Variants in PDE9A observed in about 807,000 individuals in gnomAD.
The protein encoded by PDE9A is phosphodiesterase 9A.
In PDE9A, 60 loss-of-function variants were observed where a neutral mutation model predicts 87.4. That is an observed-to-expected ratio of 0.69 (90% CI 0.56 to 0.85). PDE9A has a LOEUF of 0.85. Ranked by LOEUF, PDE9A falls within the 40% of genes least tolerant of loss-of-function variation. PDE9A has a pLI of 0.00. For missense variants in PDE9A, 665 were observed against 779.0 expected (o/e 0.85, Z 1.74); for synonymous variants, 272 against 279.4 (o/e 0.97, Z 0.27).
chr21:42,655,422 G>A (rs957756090), intron 1 of PDE9A, among the ~76,000 whole-genome samples: 38 of 152,346 alleles, frequency 2.5e-4, no homozygotes, highest in African/African-American at 8.2e-4. Flanking sequence ...GGAGGAGGAC[G>A]CTGGGCATGG....
intron 8 of PDE9A, among the ~76,000 whole-genome samples, chr21:42,745,441 T>C (rs2053743402): frequency 6.6e-6 from 1 of 152,228 alleles, no homozygotes; most frequent in South Asian, 2.1e-4. Context: ...ATCTTCGTCA[T>C]CCCTGTGCTG....
In PDE9A at chr21:42,759,905, GT is replaced by G. The variant is rs1339344120; in HGVS notation, c.898-416del. Among the ~76,000 whole-genome samples the G allele has an allele frequency of 6.6e-6, 1 of 151,950 alleles. No individual in the cohort carries two copies. The highest frequency in any genetic ancestry group is 2.4e-5 in the African/African-American group (1 of 41,334). On this transcript the variant is annotated intron_variant, in intron 11 of 19. Transcript: ENST00000291539. This position sits in a 1 kb window ranked among gnomAD's most constrained non-coding sequence, Gnocchi z 7.2. ...CCTGTGTGAATATGTTTGGCAGCAG[GT>G]TTTTTTAATGAAATATTGCTCAGAA...
In PDE9A at chr21:42,695,705, T is replaced by G. The variant is rs1383507601; in HGVS notation, c.219-3263T>G. Among the ~76,000 whole-genome samples the G allele has an allele frequency of 2.0e-5, 3 of 152,236 alleles. No homozygotes were observed. The South Asian group carries it at 6.2e-4, about 32-fold the overall frequency. On this transcript the variant is annotated intron_variant, in intron 3 of 19. Transcript: ENST00000291539. This position sits in a 1 kb window ranked among gnomAD's most constrained non-coding sequence, Gnocchi z 4.3. ...TATTAAATGTGTTTTAAAAGAGGTC[T>G]TAGAGCCCAGGCAGTTAGATCTTAG...
intron 1 of PDE9A, among the ~76,000 whole-genome samples, chr21:42,656,515 TG>T (rs2057085122): frequency 6.6e-6 from 1 of 152,240 alleles, no homozygotes; most frequent in South Asian, 2.1e-4. Context: ...CGGTGTCTCC[TG>T]GCTTGGCCTT....
At chr21:42,687,631 A>T (rs532994184) in intron 2 of PDE9A, among the ~76,000 whole-genome samples, 157 of 152,196 alleles carry the variant, frequency 1.0e-3, no homozygotes, top group African/African-American at 3.1e-3. Context: ...ACAGTTTTTT[A>T]AAAAAAATCT....
At chr21:42,715,352 C>T (rs1008508133) in intron 4 of PDE9A, among the ~76,000 whole-genome samples, 8 of 152,090 alleles carry the variant, frequency 5.3e-5, no homozygotes, top group Admixed American at 5.2e-4. Flanking sequence ...TACAGCCGGG[C>T]GCACTGGCTC....
Position 42,768,253 on chromosome 21 carries a change from G to A in PDE9A, c.1422G>A (p.Glu474=), listed in dbSNP as rs773674422. The change falls in exon 16 of 20, where the codon GAG becomes GAA. Residue 474 remains glutamate (E), a synonymous_variant. Coordinates refer to ENST00000291539, the MANE Select transcript of PDE9A (RefSeq NM_002606.3). ...SNEVRPMEVA[E]PWVDCLLEEY... is the part of the protein sequence containing the mutation. ...AGGTCCGTCCAATGGAAGTCGCAGAGCCTTGGGTGGACTGTTTATTAGAGG... is the reference window on the plus strand; with the variant it reads ...AGGTCCGTCCAATGGAAGTCGCAGAACCTTGGGTGGACTGTTTATTAGAGG... 1 of 1,608,356 alleles carries A rather than the reference G, an allele frequency of 6.2e-7. No homozygotes were observed. Among genetic ancestry groups the A allele is most frequent in the South Asian group, 1.1e-5 (1 of 90,964 alleles).
intron 8 of PDE9A, among the ~76,000 whole-genome samples, chr21:42,750,558 A>G (rs188338575): frequency 3.3e-4 from 17 of 51,336 alleles, no homozygotes; most frequent in Admixed American, 2.2e-3. Context: ...AGCCCTCAAC[A>G]TCTGACTTTT....
chr21:42,662,157 ATTAT>A (rs1466389068), intron 1 of PDE9A, among the ~76,000 whole-genome samples: 1 of 151,982 alleles, frequency 6.6e-6, no homozygotes, highest in Non-Finnish European at 1.5e-5. Context: ...TTGTTTGTTT[ATTAT>A]TTATTTATCC....
intron 4 of PDE9A, among the ~76,000 whole-genome samples, chr21:42,708,344 A>C (rs1379254771): frequency 6.6e-6 from 1 of 152,168 alleles, no homozygotes; most frequent in African/African-American, 2.4e-5. Context: ...GCGGAATGGA[A>C]GTGTCCTGAC....
chr21:42,753,036 T>C (rs1273887972), intron 9 of PDE9A, among the ~76,000 whole-genome samples: 1 of 152,166 alleles, frequency 6.6e-6, no homozygotes, highest in African/African-American at 2.4e-5. Flanking sequence ...AGATGGAGTC[T>C]CACTCTGTCG....
At chr21:42,689,258 C>G (rs1431201973) in intron 3 of PDE9A, among the ~76,000 whole-genome samples, 1 of 152,372 alleles carries the variant, frequency 6.6e-6, no homozygotes, top group East Asian at 1.9e-4. Flanking sequence ...CTTGAGGCCT[C>G]AGCCGAGCTC....
intron 16 of PDE9A, chr21:42,768,735 C>T: frequency 1.0e-6 from 1 of 985,436 alleles, no homozygotes; most frequent in Non-Finnish European, 1.2e-6. Context: ...GCTTGATGAA[C>T]CCTAGGAGAA....
intron 5 of PDE9A, 50 bp from the exon 6 acceptor site, chr21:42,732,020 A>G: frequency 1.2e-6 from 2 of 1,612,588 alleles, no homozygotes; most frequent in South Asian, 2.2e-5. Context: ...TGGCCTACAC[A>G]TCTTTTCCTC....
intron 4 of PDE9A, among the ~76,000 whole-genome samples, chr21:42,724,163 G>A (rs2050798230): frequency 6.6e-6 from 1 of 152,168 alleles, no homozygotes; most frequent in South Asian, 2.1e-4. Flanking sequence ...TTCACAGCCT[G>A]GAGGTGGTGC....
chr21:42,709,087 TGTG>T (rs1360062901), intron 4 of PDE9A, among the ~76,000 whole-genome samples: 1 of 152,070 alleles, frequency 6.6e-6, no homozygotes, highest in Non-Finnish European at 1.5e-5. Flanking sequence ...ATAAAGAAAA[TGTG>T]GTACATATAC....
chr21:42,672,833 C>T lies in PDE9A; in HGVS notation c.70-13359C>T, dbSNP rs560242345. 1.6e-4 allele frequency among the ~76,000 whole-genome samples: 25 copies of T among 152,284 alleles called. 1 individual carries two copies. Among genetic ancestry groups the T allele is most frequent in the Admixed American group, 5.9e-4 (9 of 15,298 alleles). The stretch of plus-strand genomic sequence containing the variant: ...GTGGCTGCTAATCAATGCGGGGCTC[C>T]GTAGGTCAGTGAGAGCAATCAGAGC... On this transcript the variant is annotated intron_variant, in intron 1 of 19. Transcript: ENST00000291539.
chr21:42,769,408 GC>G (rs1569279162), intron 17 of PDE9A, among the ~76,000 whole-genome samples: 3 of 143,488 alleles, frequency 2.1e-5, no homozygotes, highest in South Asian at 2.2e-4. Context: ...CACACACACG[GC>G]ACACACAGGC....
At chr21:42,715,355 A>T (rs982696072) in intron 4 of PDE9A, among the ~76,000 whole-genome samples, 6 of 152,046 alleles carry the variant, frequency 3.9e-5, no homozygotes, top group Non-Finnish European at 5.9e-5. Flanking sequence ...AGCCGGGCGC[A>T]CTGGCTCACG....
Sources: allele counts gnomAD v4.1 joint callset (sites outside exome capture counted in the v4.1 genomes callset), GRCh38; gene constraint gnomAD v4.1.1; non-coding constraint Gnocchi (gnomAD v3.1); transcripts MANE v1.5; gene names NCBI Gene and HGNC (gene_info 2026-07-23, HGNC 2026-07-21).